The following CFI variants were observed in gnomAD, a reference collection of about 807,000 sequenced individuals.
CFI encodes the protein complement factor I, also known as C3B/C4B inactivator.
In CFI, 66 loss-of-function variants were observed where a neutral mutation model predicts 78.8. That is an observed-to-expected ratio of 0.84 (90% CI 0.69 to 1.03). The LOEUF is 1.03. Among genes scored for constraint, CFI ranks in the 50% least tolerant of loss-of-function variants. The pLI, the probability that CFI is intolerant of heterozygous loss-of-function variation, is 0.00. For synonymous variants in CFI, 250 were observed against 232.6 expected, an observed-to-expected ratio of 1.07 and a Z score of -0.68; for missense variants, 706 against 704.5, an observed-to-expected ratio of 1.00 and a Z score of -0.02.
chr4:109,766,265 C>A (rs989237625), intron 2 of CFI, among the ~76,000 whole-genome samples: 2 of 152,066 alleles, frequency 1.3e-5, no homozygotes, highest in Admixed American at 6.6e-5. Flanking sequence ...ATCCCTTTAA[C>A]CAAGTAGAAG....
chr4:109,785,026 A>G (rs1730565120), intron 1 of CFI, among the ~76,000 whole-genome samples: 1 of 152,092 alleles, frequency 6.6e-6, no homozygotes, highest in South Asian at 2.1e-4. Flanking sequence ...CCCCCGCAAG[A>G]AGCTACTTTG....
chr4:109,775,748 T>G lies in CFI; in HGVS notation c.58-8924A>C, dbSNP rs575600845. 6.6e-5 allele frequency among the ~76,000 whole-genome samples: 10 copies of G among 152,274 alleles called. No homozygotes were observed. In the South Asian group the frequency reaches 1.7e-3, roughly 25 times the overall value. On this transcript the variant is annotated intron_variant, in intron 1 of 12. Coordinates refer to ENST00000394634, the MANE Select transcript of CFI (RefSeq NM_000204.5). ...AGCCTAAATGGGAGACACCTCCCAG[T>G]AGGAGCTGACTGACACCTCATACAG...
downstream of CFI, chr4:109,740,611 A>G (rs41279305): frequency 1.8e-3 from 770 of 423,124 alleles, 7 homozygotes; most frequent in South Asian, 8.4e-3. Flanking sequence ...TAAGTCCAAC[A>G]TTATTCAATT....
At chr4:109,743,524 T>C (rs1724059700) in intron 11 of CFI, among the ~76,000 whole-genome samples, 1 of 152,206 alleles carries the variant, frequency 6.6e-6, no homozygotes. Context: ...ATCCCCTTGT[T>C]TGTTGACTGG....
chr4:109,738,294 T>C (rs907510299), downstream of CFI, among the ~76,000 whole-genome samples: 1 of 151,918 alleles, frequency 6.6e-6, no homozygotes, highest in Non-Finnish European at 1.5e-5. Flanking sequence ...TTGTGTGTGA[T>C]AGAGATGGGG....
At chr4:109,752,287 A>G (rs957390397) in intron 8 of CFI, among the ~76,000 whole-genome samples, 181 bp downstream of exon 8, 2 of 152,160 alleles carry the variant, frequency 1.3e-5, no homozygotes, top group African/African-American at 4.8e-5. Context: ...AATTCTCAAG[A>G]ATCATTTAAG....
chr4:109,739,543 G>T (rs1358032673), downstream of CFI, among the ~76,000 whole-genome samples: 2 of 151,832 alleles, frequency 1.3e-5, no homozygotes, highest in Non-Finnish European at 2.9e-5. Flanking sequence ...GTCGGGTGGG[G>T]GTGCTATTTT....
At position 109,740,799 on chromosome 4, in the gene CFI, T is replaced by A. The variant is rs1262787931; in HGVS notation, c.*94A>T. 4 of 1,186,412 alleles carry A rather than the reference T, an allele frequency of 3.4e-6. No homozygotes were observed. The highest frequency in any genetic ancestry group is 5.0e-6 in the Non-Finnish European group (4 of 804,282). The allele number at this position is 1,186,412 out of a possible 1,614,324, so 73.5% of individuals were successfully genotyped here. On this transcript the variant is annotated 3_prime_UTR_variant, in exon 13 of 13. Transcript: ENST00000394634. ...ATATCCAGTGAGATTTGCTTCATTT[T>A]TCCCCCCTAGAGAATTATTAATTAT...
chr4:109,794,147 G>A (rs1731739531), intron 1 of CFI: 1 of 152,096 alleles, frequency 6.6e-6, no homozygotes, highest in African/African-American at 2.4e-5. Flanking sequence ...GGATTGCATT[G>A]AGCTTTTTGA....
intron 1 of CFI, among the ~76,000 whole-genome samples, chr4:109,782,057 T>C (rs1024763889): frequency 1.4e-4 from 22 of 152,274 alleles, no homozygotes; most frequent in East Asian, 3.9e-4. Flanking sequence ...AACATAGTAC[T>C]GAATGGGGAA....
At chr4:109,759,338 A>G (rs1171817621) in intron 6 of CFI, among the ~76,000 whole-genome samples, 1 of 152,126 alleles carries the variant, frequency 6.6e-6, no homozygotes, top group Non-Finnish European at 1.5e-5. Context: ...AGAAGACTTT[A>G]AAAACGTAAT....
Position 109,740,753 on chromosome 4 carries a change from A to G in CFI, c.*140T>C, listed in dbSNP as rs1386036523. Reference sequence around the variant, plus strand: ...ACAACAAAATTCCAATATGGCATAAACTCTGTGGAGACCTTTAAAAATATC... The same window carrying G: ...ACAACAAAATTCCAATATGGCATAAGCTCTGTGGAGACCTTTAAAAATATC... On this transcript the variant is annotated 3_prime_UTR_variant, in exon 13 of 13. Coordinates refer to ENST00000394634, the MANE Select transcript of CFI (RefSeq NM_000204.5). 1.2e-6 allele frequency: 1 copy of G among 812,408 alleles called. No homozygotes were observed. Among genetic ancestry groups the G allele is most frequent in the Non-Finnish European group, 2.1e-6 (1 of 485,580 alleles). 50.3% of individuals were successfully genotyped at this position (812,408 alleles called of 1,614,324 possible). A position where few individuals can be genotyped will look rare whatever the true frequency, so the allele number is the denominator to read the frequency against.
chr4:109,788,907 A>G (rs552355364), intron 1 of CFI, among the ~76,000 whole-genome samples: 1 of 152,060 alleles, frequency 6.6e-6, no homozygotes, highest in Non-Finnish European at 1.5e-5. Flanking sequence ...TGAGGAGAAA[A>G]AACAGGCAAT....
intron 1 of CFI, among the ~76,000 whole-genome samples, chr4:109,790,002 G>A (rs1731190106): frequency 6.6e-6 from 1 of 151,954 alleles, no homozygotes; most frequent in Admixed American, 6.6e-5. Context: ...CTTGCTATAG[G>A]TCTGTTCAGA....
At chr4:109,794,785 T>G (rs1433093421) in intron 1 of CFI, among the ~76,000 whole-genome samples, 2 of 152,164 alleles carry the variant, frequency 1.3e-5, no homozygotes, top group Non-Finnish European at 2.9e-5. Context: ...AGAGCAAGAC[T>G]CTGTCTCCAA....
At chr4:109,767,433 A>T (rs939303716) in intron 1 of CFI, among the ~76,000 whole-genome samples, 13 of 151,644 alleles carry the variant, frequency 8.6e-5, no homozygotes, top group Non-Finnish European at 1.9e-4. Flanking sequence ...ACAAATTTAC[A>T]AGAAAAAAAC....
At position 109,789,460 on chromosome 4, in the gene CFI, C is replaced by T. The variant is rs150238347; in HGVS notation, c.57+12455G>A. Reference sequence around the variant, plus strand: ...AAAAAAGACACTATGTACAGAGAAACGAAGATAAGTATGACATTTCTCATC... The same window carrying T: ...AAAAAAGACACTATGTACAGAGAAATGAAGATAAGTATGACATTTCTCATC... On this transcript the variant is annotated intron_variant, in intron 1 of 12. Coordinates refer to ENST00000394634, the MANE Select transcript of CFI (RefSeq NM_000204.5). 6.3e-4 allele frequency among the ~76,000 whole-genome samples: 96 copies of T among 151,850 alleles called. 1 individual carries two copies. Among genetic ancestry groups the T allele is most frequent in the African/African-American group, 2.3e-3 (94 of 41,452 alleles).
chr4:109,751,364 T>C (rs1408557979), intron 8 of CFI, among the ~76,000 whole-genome samples: 1 of 152,024 alleles, frequency 6.6e-6, no homozygotes, highest in African/African-American at 2.4e-5. Flanking sequence ...AAAATGAATG[T>C]TATTCTGAGT....
chr4:109,799,043 G>A (rs1732422719), intron 1 of CFI, among the ~76,000 whole-genome samples: 1 of 152,070 alleles, frequency 6.6e-6, no homozygotes, highest in African/African-American at 2.4e-5. Flanking sequence ...ACTGAACTTA[G>A]ACAACCACCA....
Sources: gnomAD v4.1 joint callset for allele counts (sites outside exome capture counted in the v4.1 genomes callset) on GRCh38, gnomAD v4.1.1 for gene constraint, MANE v1.5 for transcripts, NCBI Gene and HGNC (gene_info 2026-07-23, HGNC 2026-07-21) for gene names.